The following FMNL1 variants were observed in gnomAD, a reference collection of about 807,000 sequenced individuals.
FMNL1 encodes formin like 1.
Under a neutral mutation model 121.3 loss-of-function variants are expected in FMNL1, and 43 were observed. That is an observed-to-expected ratio of 0.35 (90% confidence interval 0.28 to 0.46). The LOEUF (loss-of-function observed/expected upper bound fraction) is 0.46, where lower values mean the gene tolerates loss of function less well. Among genes scored for constraint, FMNL1 ranks in the 20% least tolerant of loss-of-function variants. The pLI, the probability that FMNL1 is intolerant of heterozygous loss-of-function variation, is 1.00. For synonymous variants in FMNL1, 613 were observed against 613.5 expected, an observed-to-expected ratio of 1.00 and a Z score of 0.01; for missense variants, 1,191 against 1,482.4, an observed-to-expected ratio of 0.80 and a Z score of 3.23.
rs181177427 is a variant in FMNL1 at position 45,240,202 on chromosome 17, C to T, written c.1081-274C>T. ...GGAGAGAATGGCAAGTGACTGCTGACGCCTGTGGGGTTTCTTTTTGGGCTG... is the reference window on the plus strand; with the variant it reads ...GGAGAGAATGGCAAGTGACTGCTGATGCCTGTGGGGTTTCTTTTTGGGCTG... On this transcript the variant is annotated intron_variant, in intron 11 of 26. Coordinates refer to ENST00000331495, the MANE Select transcript of FMNL1 (RefSeq NM_005892.4). 1,546 of 226,592 alleles carry T rather than the reference C, an allele frequency of 6.8e-3. 7 individuals are homozygous for T. The highest frequency in any genetic ancestry group is 9.8e-3 in the Non-Finnish European group (1,141 of 116,112). 14.0% of individuals were successfully genotyped at this position (226,592 alleles called of 1,614,324 possible). A position where few individuals can be genotyped will look rare whatever the true frequency, so the allele number is the denominator to read the frequency against.
At chr17:45,228,595 C>T (rs968897002) in intron 1 of FMNL1, among the ~76,000 whole-genome samples, 7 of 152,220 alleles carry the variant, frequency 4.6e-5, no homozygotes, top group Admixed American at 2.0e-4. Flanking sequence ...GGAAGGCAGT[C>T]GTCGGCGCGC....
intron 11 of FMNL1, 181 bp downstream of exon 11, chr17:45,239,246 G>T: frequency 1.7e-6 from 1 of 604,376 alleles, no homozygotes; most frequent in Non-Finnish European, 3.0e-6. Context: ...TGCCATCTGT[G>T]AAATAGGAGA....
intron 7 of FMNL1, chr17:45,236,619 G>C (rs571069390): frequency 5.9e-6 from 1 of 169,712 alleles, no homozygotes; most frequent in Admixed American, 6.2e-5. Flanking sequence ...CTTTAAGCCA[G>C]CTTCACGGTT....
At chr17:45,229,399 C>T (rs1051164567) in intron 1 of FMNL1, among the ~76,000 whole-genome samples, 1 of 152,186 alleles carries the variant, frequency 6.6e-6, no homozygotes, top group Non-Finnish European at 1.5e-5. Flanking sequence ...TGGGGAGTCT[C>T]AGGTGGGTGT....
chr17:45,242,018 C>T lies in FMNL1; in HGVS notation c.1757C>T (p.Pro586Leu), dbSNP rs999082421. The T allele has an allele frequency of 5.2e-6, 7 of 1,345,930 alleles. No individual in the cohort carries two copies. Among genetic ancestry groups the T allele is most frequent in the Non-Finnish European group, 6.7e-6 (7 of 1,049,220 alleles). The allele number at this position is 1,345,930 out of a possible 1,614,324, so 83.4% of individuals were successfully genotyped here. The change falls in exon 15 of 27, where the codon CCC (proline) becomes CTC (leucine). Residue 586 changes from proline to leucine, a missense_variant. Physicochemically the swap from Pro to Leu is moderately conservative, Grantham distance 98 (BLOSUM62 -3). Transcript: ENST00000331495. ...PAPPLPGDLP[P>L]PPPPPPPPPG... ...CCGCCGCTGCCCGGAGACCTGCCGC[C>T]CCCACCCCCGCCACCGCCACCACCT...
chr17:45,242,017 C>T lies in FMNL1; in HGVS notation c.1756C>T (p.Pro586Ser). 2.2e-6 allele frequency: 3 copies of T among 1,343,730 alleles called. No homozygotes were observed. The highest frequency in any genetic ancestry group is 3.4e-5 in the East Asian group (1 of 29,118). The allele number at this position is 1,343,730 out of a possible 1,614,324, so 83.2% of individuals were successfully genotyped here. A position where few individuals can be genotyped will look rare whatever the true frequency, so the allele number is the denominator to read the frequency against. ...PAPPLPGDLP[P>S]PPPPPPPPPG... ...GCCGCCGCTGCCCGGAGACCTGCCG[C>T]CCCCACCCCCGCCACCGCCACCACC... The change falls in exon 15 of 27, where the codon CCC becomes TCC. Residue 586 changes from proline (P) to serine (S), a missense_variant. This residue lies in a region of FMNL1 where 519 missense variants were observed against 492.8 expected (regional missense o/e 1.05). Coordinates refer to ENST00000331495, the MANE Select transcript of FMNL1 (RefSeq NM_005892.4).
chr17:45,234,027 G>A (rs1380171395), intron 5 of FMNL1, 45 bp from the exon 6 acceptor site: 3 of 1,604,448 alleles, frequency 1.9e-6, no homozygotes, highest in East Asian at 2.2e-5. Flanking sequence ...CTCTTAAGTG[G>A]CCCCTGCAGT....
Position 45,245,992 on chromosome 17 carries a change from G to T in FMNL1, c.3090+19G>T. The T allele has an allele frequency of 6.5e-7, 1 of 1,538,566 alleles. No individual in the cohort carries two copies. Among genetic ancestry groups the T allele is most frequent in the Non-Finnish European group, 8.7e-7 (1 of 1,148,928 alleles). Reference sequence around the variant, plus strand: ...ACCCAAGGTAGGCAACTGCTCCTGGGCTTGGTACTGGGCTGCAGGGATGCA... The same window carrying T: ...ACCCAAGGTAGGCAACTGCTCCTGGTCTTGGTACTGGGCTGCAGGGATGCA... On this transcript the variant is annotated intron_variant, in intron 24 of 26. Transcript: ENST00000331495.
At position 45,241,117 on chromosome 17, in the gene FMNL1, C is replaced by G. The variant is rs112786048; in HGVS notation, c.1231-12C>G. 5.5e-4 allele frequency: 883 copies of G among 1,613,748 alleles called. 2 individuals carry two copies. The highest frequency in any genetic ancestry group is 1.9e-3 in the Admixed American group (114 of 60,022). On this transcript the variant is annotated splice_polypyrimidine_tract_variant and intron_variant, in intron 12 of 26. Coordinates refer to ENST00000331495, the MANE Select transcript of FMNL1 (RefSeq NM_005892.4). This position sits in a 1 kb window ranked among gnomAD's most constrained non-coding sequence, Gnocchi z 7.0. ...GCTGCGGGTCGGGGCTCACCATGTG[C>G]TGGTGCTACAGCTGACAGAGCGGCT...
Position 45,233,960 on chromosome 17 carries a change from C to G in FMNL1, c.486-112C>G. 1 of 1,462,922 alleles carries G rather than the reference C, an allele frequency of 6.8e-7. No homozygotes were observed. Among genetic ancestry groups the G allele is most frequent in the East Asian group, 2.5e-5 (1 of 40,730 alleles). 90.6% of individuals were successfully genotyped at this position (1,462,922 alleles called of 1,614,324 possible). The stretch of plus-strand genomic sequence containing the variant: ...CACAGTGCCAAGAACACAGCCTCCT[C>G]CTCCTGCTCCTTAGTCTCACCTGCA... On this transcript the variant is annotated intron_variant, in intron 5 of 26. Transcript: ENST00000331495. The surrounding 1 kb of genome is among the most constrained non-coding windows in gnomAD (Gnocchi z 4.1).
chr17:45,233,568 G>T lies in FMNL1; in HGVS notation c.402-80G>T, dbSNP rs1240834658. 4 of 1,538,684 alleles carry T rather than the reference G, an allele frequency of 2.6e-6. No individual in the cohort carries two copies. The highest frequency in any genetic ancestry group is 2.7e-6 in the Non-Finnish European group (3 of 1,118,086). On this transcript the variant is annotated intron_variant, in intron 4 of 26. Coordinates refer to ENST00000331495, the MANE Select transcript of FMNL1 (RefSeq NM_005892.4). The surrounding 1 kb of genome is among the most constrained non-coding windows in gnomAD (Gnocchi z 4.1). ...TGGGGGTTGAAAGGGCACCCCAGGG[G>T]TCCTTGCTGTCCCTGTTCTGTGCCC...
chr17:45,227,732 G>T (rs913296723), intron 1 of FMNL1, among the ~76,000 whole-genome samples: 1 of 152,112 alleles, frequency 6.6e-6, no homozygotes, highest in African/African-American at 2.4e-5. Flanking sequence ...ATAGTGTTAG[G>T]CCACTGAAGA....
chr17:45,224,952 C>CT (rs1027170842), intron 1 of FMNL1, among the ~76,000 whole-genome samples: 1 of 152,224 alleles, frequency 6.6e-6, no homozygotes, highest in Non-Finnish European at 1.5e-5. Flanking sequence ...CCCTTCATGC[C>CT]TTCCCCTGGG....
intron 3 of FMNL1, 53 bp downstream of exon 3, chr17:45,232,533 T>G: frequency 6.5e-7 from 1 of 1,548,904 alleles, no homozygotes; most frequent in Non-Finnish European, 8.9e-7. Context: ...TTCCAAGCTC[T>G]GGGCAGCTGG....
intron 1 of FMNL1, among the ~76,000 whole-genome samples, 162 bp downstream of exon 1, chr17:45,222,415 T>C (rs1041319942): frequency 1.3e-5 from 2 of 151,988 alleles, no homozygotes; most frequent in Non-Finnish European, 2.9e-5. Flanking sequence ...GGCCTTTTTT[T>C]CAGAGTGACT....
At chr17:45,246,476 T>G in intron 25 of FMNL1, 29 bp from the exon 26 acceptor site, 2 of 1,613,812 alleles carry the variant, frequency 1.2e-6, no homozygotes, top group Non-Finnish European at 1.7e-6. Context: ...CTTTCTCTAC[T>G]CCCCTTCACC....
intron 11 of FMNL1, among the ~76,000 whole-genome samples, chr17:45,239,664 G>A (rs187654496): frequency 2.6e-5 from 4 of 152,126 alleles, no homozygotes; most frequent in African/African-American, 7.2e-5. Flanking sequence ...GCAGGCTGGC[G>A]GGGGGGTCTA....
intron 1 of FMNL1, among the ~76,000 whole-genome samples, chr17:45,226,052 CACCTCCACT>C (rs2043322722): frequency 1.3e-5 from 2 of 152,140 alleles, no homozygotes; most frequent in African/African-American, 4.8e-5. Flanking sequence ...CCCCTCCCTC[CACCTCCACT>C]ACCAAGAGCA....
Position 45,243,216 on chromosome 17 carries a change from C to A in FMNL1, c.2109C>A (p.Ala703=), listed in dbSNP as rs2043748943. ...TCAAGAGTAAGGCAGCCCAGAAGGC[C>A]CCCAGCAAGGCGACACTCATTGAGG... ...SALKSKAAQK[A]PSKATLIEAN... The change falls in exon 17 of 27, where the codon GCC becomes GCA. Residue 703 remains alanine, a synonymous_variant. Coordinates refer to ENST00000331495, the MANE Select transcript of FMNL1 (RefSeq NM_005892.4). 1.2e-6 allele frequency: 2 copies of A among 1,614,214 alleles called. No homozygotes were observed. Among genetic ancestry groups the A allele is most frequent in the Non-Finnish European group, 1.7e-6 (2 of 1,180,038 alleles).
Sources: allele counts gnomAD v4.1 joint callset (sites outside exome capture counted in the v4.1 genomes callset), GRCh38; gene constraint gnomAD v4.1.1; regional missense constraint gnomAD v4.1.1; non-coding constraint Gnocchi (gnomAD v3.1); transcripts MANE v1.5; gene names NCBI Gene and HGNC (gene_info 2026-07-23, HGNC 2026-07-21).